NT5C3A: variants seen among roughly 807,000 people sequenced by gnomAD.
NT5C3A encodes the protein cytosolic 5'-nucleotidase 3A.
Under a neutral mutation model 40.0 loss-of-function variants are expected in NT5C3A, and 23 were observed. The ratio of observed to expected loss-of-function variants is 0.58; its 90% confidence interval spans 0.41 to 0.81. The LOEUF (loss-of-function observed/expected upper bound fraction) is 0.81. Ranked by LOEUF, NT5C3A falls within the 40% of genes least tolerant of loss-of-function variation. NT5C3A has a pLI of 0.00. For synonymous variants in NT5C3A, 130 were observed against 141.4 expected (o/e 0.92, Z 0.57); for missense variants, 328 against 403.0 (o/e 0.81, Z 1.59).
At chr7:33,025,247 T>C (rs1200465418) in intron 2 of NT5C3A, among the ~76,000 whole-genome samples, 3 of 152,232 alleles carry the variant, frequency 2.0e-5, no homozygotes, top group Non-Finnish European at 4.4e-5. Context: ...CTCTTCTCAC[T>C]AGAGATTTTC....
intron 1 of NT5C3A, among the ~76,000 whole-genome samples, chr7:33,035,279 C>T (rs1284124109): frequency 1.4e-5 from 2 of 139,502 alleles, no homozygotes; most frequent in South Asian, 2.3e-4. Context: ...CTGCAACCTT[C>T]GCCTCCTGGG....
chr7:33,034,378 A>C (rs1786464645), intron 1 of NT5C3A, among the ~76,000 whole-genome samples: 1 of 152,172 alleles, frequency 6.6e-6, no homozygotes, highest in Admixed American at 6.5e-5. Flanking sequence ...ACAACATTAT[A>C]CAAAGAGGAT....
At chr7:33,037,636 C>T (rs1786680644) in intron 1 of NT5C3A, among the ~76,000 whole-genome samples, 1 of 152,148 alleles carries the variant, frequency 6.6e-6, no homozygotes, top group East Asian at 1.9e-4. Context: ...TTCTCCCTCT[C>T]TCAGAAAGCC....
At chr7:33,022,920 GTTT>G (rs201688510) in intron 3 of NT5C3A, among the ~76,000 whole-genome samples, 70 of 136,086 alleles carry the variant, frequency 5.1e-4, no homozygotes, top group African/African-American at 1.9e-3. Context: ...GATTTTTAGT[GTTT>G]TTTTTTTTTT....
chr7:33,053,610 A>T (rs1350554495), intron 1 of NT5C3A, among the ~76,000 whole-genome samples: 1 of 152,092 alleles, frequency 6.6e-6, no homozygotes, highest in East Asian at 1.9e-4. Context: ...GCAATGAGCT[A>T]TGATTGTACC....
chr7:33,045,540 AT>A (rs1434116858), intron 1 of NT5C3A, among the ~76,000 whole-genome samples: 4 of 151,942 alleles, frequency 2.6e-5, no homozygotes, highest in African/African-American at 9.7e-5. Context: ...GCTCACTGCA[AT>A]CTCCGCCTCC....
At chr7:33,017,107 C>T in intron 7 of NT5C3A, 1 of 239,776 alleles carries the variant, frequency 4.2e-6, no homozygotes, top group Non-Finnish European at 8.0e-6. Context: ...TGCTTGAACC[C>T]AGGAGACAGA....
At chr7:33,052,169 C>T (rs1787394814) in intron 1 of NT5C3A, among the ~76,000 whole-genome samples, 1 of 152,040 alleles carries the variant, frequency 6.6e-6, no homozygotes, top group Non-Finnish European at 1.5e-5. Flanking sequence ...TTCCCCTTGT[C>T]ACCATTTCTT....
intron 6 of NT5C3A, among the ~76,000 whole-genome samples, chr7:33,018,284 G>A (rs908253900): frequency 6.6e-6 from 1 of 152,170 alleles, no homozygotes; most frequent in Middle Eastern, 3.2e-3. Context: ...AGAGTGGCAG[G>A]AACTTAGATG....
intron 1 of NT5C3A, among the ~76,000 whole-genome samples, chr7:33,033,809 CAG>C (rs1385908072): frequency 2.0e-5 from 3 of 150,646 alleles, no homozygotes; most frequent in Non-Finnish European, 4.4e-5. Flanking sequence ...AAAGTCTGGA[CAG>C]AGAGATCTGA....
intron 1 of NT5C3A, among the ~76,000 whole-genome samples, chr7:33,031,424 C>T (rs1177468024): frequency 1.3e-5 from 2 of 151,236 alleles, no homozygotes; most frequent in Admixed American, 1.3e-4. Flanking sequence ...CCTGTCTCTA[C>T]AAACAATACA....
At chr7:33,032,454 GT>G (rs913843417) in intron 1 of NT5C3A, among the ~76,000 whole-genome samples, 1 of 145,424 alleles carries the variant, frequency 6.9e-6, no homozygotes, top group South Asian at 2.2e-4. Flanking sequence ...TTACTTTTAT[GT>G]TTTTTTATTT....
At chr7:33,025,512 A>G (rs1785877279) in intron 2 of NT5C3A, among the ~76,000 whole-genome samples, 2 of 152,200 alleles carry the variant, frequency 1.3e-5, no homozygotes, top group African/African-American at 4.8e-5. Context: ...TTTACATGTA[A>G]CACATTCCTT....
chr7:33,040,726 A>T, intron 1 of NT5C3A: 2 of 213,612 alleles, frequency 9.4e-6, no homozygotes, highest in Non-Finnish European at 1.6e-5. Flanking sequence ...CAAATTATAA[A>T]GAAGTTTTGC....
intron 1 of NT5C3A, among the ~76,000 whole-genome samples, chr7:33,036,822 A>AT (rs1423563083): frequency 4.6e-5 from 7 of 150,864 alleles, no homozygotes; most frequent in African/African-American, 7.3e-5. Flanking sequence ...TTTTATTTTT[A>AT]TTTTTTTTGA....
rs55935181 is a variant in NT5C3A at position 33,018,722 on chromosome 7, C to T, written c.530+913G>A. Among the ~76,000 whole-genome samples, 1,516 of 151,784 alleles carry T rather than the reference C, an allele frequency of 1.0e-2. 13 individuals are homozygous for T. The highest frequency in any genetic ancestry group is 0.016 in the Non-Finnish European group (1,104 of 67,938). On this transcript the variant is annotated intron_variant, in intron 6 of 8. Transcript: ENST00000610140. ...AAAATTAGCCGGGCGTGGTGGCGGGCGCCTGAAGTCCTGGCTAGTCAGGAG... is the reference window on the plus strand; with the variant it reads ...AAAATTAGCCGGGCGTGGTGGCGGGTGCCTGAAGTCCTGGCTAGTCAGGAG...
chr7:33,038,931 C>G, intron 1 of NT5C3A: 1 of 455,342 alleles, frequency 2.2e-6, no homozygotes. Context: ...TCTACGAACT[C>G]TCTTCAAAGG....
Position 33,062,548 on chromosome 7 carries a change from C to G in NT5C3A, c.138+20G>C, listed in dbSNP as rs1264910699. On this transcript the variant is annotated intron_variant, in intron 1 of 8. Transcript: ENST00000610140. Reference sequence around the variant, plus strand: ...GCCGGCCCCTCGCGTGCTCTGGGCGCGCCGAGCCTCCACACTCACCATCTC... The same window carrying G: ...GCCGGCCCCTCGCGTGCTCTGGGCGGGCCGAGCCTCCACACTCACCATCTC... 2.5e-6 allele frequency: 4 copies of G among 1,604,802 alleles called. No homozygotes were observed. The highest frequency in any genetic ancestry group is 1.3e-5 in the African/African-American group (1 of 74,552).
intron 1 of NT5C3A, among the ~76,000 whole-genome samples, chr7:33,059,769 T>C (rs1583977134): frequency 2.0e-5 from 3 of 152,324 alleles, no homozygotes; most frequent in East Asian, 1.9e-4. Flanking sequence ...CAAAGTCCCG[T>C]TGATTTTATC....
Sources: allele counts gnomAD v4.1 joint callset (sites outside exome capture counted in the v4.1 genomes callset), GRCh38; gene constraint gnomAD v4.1.1; transcripts MANE v1.5; gene names NCBI Gene and HGNC (gene_info 2026-07-23, HGNC 2026-07-21).